MELTF: variants seen among roughly 807,000 people sequenced by gnomAD.
MELTF encodes melanotransferrin, also known as antigen p97 (melanoma associated) identified by monoclonal antibodies 133.2 and 96.5.
A neutral mutation model predicts 83.7 loss-of-function variants in MELTF; 67 were observed. The ratio of observed to expected loss-of-function variants is 0.80; its 90% confidence interval spans 0.66 to 0.98. The LOEUF (loss-of-function observed/expected upper bound fraction) is 0.98, where lower values mean the gene tolerates loss of function less well. Ranked by LOEUF, MELTF falls within the 50% of genes least tolerant of loss-of-function variation. The pLI, the probability that MELTF is intolerant of heterozygous loss-of-function variation, is 0.00. For synonymous variants in MELTF, 462 were observed against 447.6 expected (o/e 1.03, Z -0.41); for missense variants, 1,002 against 1,035.6 (o/e 0.97, Z 0.44).
At chr3:197,028,278 G>T (rs747367559) in intron 1 of MELTF, 1 of 210,710 alleles carries the variant, frequency 4.7e-6, no homozygotes, top group African/African-American at 2.2e-5. Context: ...CAGGCCTCCC[G>T]AAGAGGGTGC....
At chr3:197,009,583 T>C (rs762371478) in intron 11 of MELTF, 35 bp downstream of exon 11, 2 of 1,582,730 alleles carry the variant, frequency 1.3e-6, no homozygotes, top group Non-Finnish European at 1.7e-6. Context: ...CAGAGAAGGC[T>C]TCCCCAGTCT....
chr3:197,004,862 C>A (rs945296913), intron 14 of MELTF: 7 of 152,380 alleles, frequency 4.6e-5, no homozygotes, highest in African/African-American at 1.7e-4. Flanking sequence ...AGCTGTCAGC[C>A]TTCTCCCCAG....
chr3:197,017,605 TGG>T (rs1719434433), intron 6 of MELTF, among the ~76,000 whole-genome samples: 4 of 152,110 alleles, frequency 2.6e-5, no homozygotes, highest in Admixed American at 2.6e-4. Flanking sequence ...TGGCCGGGCG[TGG>T]TGGCTCACGC....
chr3:197,009,095 C>G, intron 11 of MELTF, 130 bp from the exon 12 acceptor site: 1 of 1,032,524 alleles, frequency 9.7e-7, no homozygotes, highest in African/African-American at 1.6e-5. Context: ...GTCTGCTCCG[C>G]TCCCCTCAGC....
At chr3:197,020,665 GT>G (rs1033880597) in intron 6 of MELTF, among the ~76,000 whole-genome samples, 285 of 148,536 alleles carry the variant, frequency 1.9e-3, no homozygotes, top group African/African-American at 6.0e-3. Flanking sequence ...GTCTTTGTGG[GT>G]TTTTTTTTTG....
Position 197,017,678 on chromosome 3 carries a change from C to G in MELTF, c.713-388G>C, listed in dbSNP as rs749179869. ...GGATCACGAGGTCAGGAGATCAAGA[C>G]CATCCTGGCTAACACGGTGAAACCC... On this transcript the variant is annotated intron_variant, in intron 6 of 15. Coordinates refer to ENST00000296350, the MANE Select transcript of MELTF (RefSeq NM_005929.6). 7.2e-4 allele frequency among the ~76,000 whole-genome samples: 109 copies of G among 152,090 alleles called. No individual in the cohort carries two copies. In the Middle Eastern group the frequency reaches 0.01, roughly 14 times the overall value.
Position 197,003,774 on chromosome 3 carries a change from ACCT to A in MELTF, c.2137+124_2137+126del. On this transcript the variant is annotated intron_variant, in intron 15 of 15. Coordinates refer to ENST00000296350, the MANE Select transcript of MELTF (RefSeq NM_005929.6). The surrounding 1 kb of genome is among the most constrained non-coding windows in gnomAD (Gnocchi z 6.2). ...GGCCAAAATCCTCCCGGGACACCCC[ACCT>A]GGACTGCTGCGAACGGGCCTCCACC... The A allele has an allele frequency of 1.0e-6, 1 of 952,698 alleles. No homozygotes were observed. The highest frequency in any genetic ancestry group is 1.6e-5 in the South Asian group (1 of 62,856). 59.0% of individuals were successfully genotyped at this position (952,698 alleles called of 1,614,324 possible). A position where few individuals can be genotyped will look rare whatever the true frequency, so the allele number is the denominator to read the frequency against.
chr3:197,015,979 C>A (rs940820234), intron 8 of MELTF, among the ~76,000 whole-genome samples: 2 of 152,124 alleles, frequency 1.3e-5, no homozygotes, highest in African/African-American at 4.8e-5. Context: ...TCCCCCGCTG[C>A]GGCCAGGTGG....
Position 197,015,389 on chromosome 3 carries a change from G to C in MELTF, c.1209C>G (p.Pro403=), listed in dbSNP as rs1027689751. ...CCTGGATCCGCTCCATGCAGTGTTG[G>C]GGGGACTTGGCTGACACGCACTGGA... is the stretch of plus-strand genomic sequence containing the variant. ...PEIQCVSAKS[P]QHCMERIQAE... The change falls in exon 9 of 16, where the codon CCC becomes CCG. Residue 403 remains proline (P), a synonymous_variant. Coordinates refer to ENST00000296350, the MANE Select transcript of MELTF (RefSeq NM_005929.6). The C allele has an allele frequency of 2.0e-5, 32 of 1,574,448 alleles. No homozygotes were observed. The highest frequency in any genetic ancestry group is 1.7e-4 in the Middle Eastern group (1 of 6,036).
Position 197,023,725 on chromosome 3 carries a change from T to G in MELTF, c.487+578A>C, listed in dbSNP as rs531986724. On this transcript the variant is annotated intron_variant, in intron 4 of 15. Transcript: ENST00000296350. ...TTTCCAGAGTAAGCCCTCTTCCTGG[T>G]TTTTTTTTTGTGACCTCCCAGAGGA... 1.1e-3 allele frequency: 414 copies of G among 367,122 alleles called. 2 individuals carry two copies. Among genetic ancestry groups the G allele is most frequent in the African/African-American group, 8.6e-3 (396 of 46,230 alleles). The allele number at this position is 367,122 out of a possible 1,614,324, so 22.7% of individuals were successfully genotyped here. A position where few individuals can be genotyped will look rare whatever the true frequency, so the allele number is the denominator to read the frequency against.
chr3:197,017,523 G>C (rs1301915839), intron 6 of MELTF, among the ~76,000 whole-genome samples: 1 of 152,204 alleles, frequency 6.6e-6, no homozygotes, highest in Admixed American at 6.5e-5. Flanking sequence ...AAGTGAATTG[G>C]AGGTATCTGA....
Position 197,029,816 on chromosome 3 carries a change from G to A in MELTF, c.-114C>T. ...TCGCGCTGGCCCGAGCTCCTTAAGT[G>A]CGGCCGCGAGTTCCCGGGCGGAATC... On this transcript the variant is annotated 5_prime_UTR_variant, in exon 1 of 16. Transcript: ENST00000296350. The surrounding 1 kb of genome is among the most constrained non-coding windows in gnomAD (Gnocchi z 6.5). 1 of 714,512 alleles carries A rather than the reference G, an allele frequency of 1.4e-6. No homozygotes were observed. The highest frequency in any genetic ancestry group is 1.9e-6 in the Non-Finnish European group (1 of 517,424). 44.3% of individuals were successfully genotyped at this position (714,512 alleles called of 1,614,324 possible). A position where few individuals can be genotyped will look rare whatever the true frequency, so the allele number is the denominator to read the frequency against.
At chr3:197,012,211 G>A (rs1329707638) in intron 9 of MELTF, among the ~76,000 whole-genome samples, 1 of 152,204 alleles carries the variant, frequency 6.6e-6, no homozygotes, top group Non-Finnish European at 1.5e-5. Flanking sequence ...CCAGAAGTGT[G>A]AAGACAGGGC....
In MELTF at chr3:197,024,527, C is replaced by T; in HGVS notation, c.305-42G>A. On this transcript the variant is annotated intron_variant, in intron 3 of 15. Coordinates refer to ENST00000296350, the MANE Select transcript of MELTF (RefSeq NM_005929.6). This position sits in a 1 kb window ranked among gnomAD's most constrained non-coding sequence, Gnocchi z 5.3. ...GTGGGTGAGGGCAGCAGGGAGAGGC[C>T]TCGAGAGAGGCTGCACCAGCACCCT... 1 of 1,520,858 alleles carries T rather than the reference C, an allele frequency of 6.6e-7. No homozygotes were observed. The highest frequency in any genetic ancestry group is 8.9e-7 in the Non-Finnish European group (1 of 1,124,128). 94.2% of individuals were successfully genotyped at this position (1,520,858 alleles called of 1,614,324 possible).
intron 6 of MELTF, among the ~76,000 whole-genome samples, chr3:197,020,875 G>A (rs1007571000): frequency 1.2e-4 from 19 of 152,052 alleles, no homozygotes; most frequent in African/African-American, 4.4e-4. Context: ...CACCATGTTG[G>A]CCAGGATGGT....
chr3:197,027,999 C>T (rs572302563), intron 1 of MELTF, 89 bp from the exon 2 acceptor site: 17 of 1,421,160 alleles, frequency 1.2e-5, no homozygotes, highest in Non-Finnish European at 1.6e-5. Flanking sequence ...TCTGTGTGAG[C>T]CCATTCGCCT....
At position 197,008,694 on chromosome 3, in the gene MELTF, G is replaced by A. The variant is rs1425644768; in HGVS notation, c.1713C>T (p.Ala571=). The change falls in exon 13 of 16, where the codon GCC becomes GCT. Residue 571 remains alanine, a synonymous_variant. Transcript: ENST00000296350. This position sits in a 1 kb window ranked among gnomAD's most constrained non-coding sequence, Gnocchi z 5.4. ...RCLVENAGDV[A]FVRHTTVFDN... ...CAAAGACGGTTGTGTGCCTGACGAAGGCAACGTCACCCGCATTCTCCACCA... is the reference window on the plus strand; with the variant it reads ...CAAAGACGGTTGTGTGCCTGACGAAAGCAACGTCACCCGCATTCTCCACCA... The A allele has an allele frequency of 6.2e-7, 1 of 1,614,008 alleles. No individual in the cohort carries two copies. The highest frequency in any genetic ancestry group is 1.3e-5 in the African/African-American group (1 of 74,910).
chr3:197,004,139 C>G, intron 14 of MELTF, 40 bp from the exon 15 acceptor site: 4 of 1,604,570 alleles, frequency 2.5e-6, no homozygotes, highest in East Asian at 2.2e-5. Context: ...CCTCACTGGG[C>G]TCAGGCAGGG....
Position 197,006,902 on chromosome 3 carries a change from G to A in MELTF, c.1751-166C>T, listed in dbSNP as rs151320621. Among the ~76,000 whole-genome samples the A allele has an allele frequency of 4.6e-5, 7 of 152,316 alleles. No individual in the cohort carries two copies. The highest frequency in any genetic ancestry group is 1.3e-4 in the Admixed American group (2 of 15,304). ...CCACGTGCTCTGCTGTGTTACCGGGGTGAAAGAACCCAGCTGTGTTCATGC... is the reference window on the plus strand; with the variant it reads ...CCACGTGCTCTGCTGTGTTACCGGGATGAAAGAACCCAGCTGTGTTCATGC... On this transcript the variant is annotated intron_variant, in intron 13 of 15. Coordinates refer to ENST00000296350, the MANE Select transcript of MELTF (RefSeq NM_005929.6). This position sits in a 1 kb window ranked among gnomAD's most constrained non-coding sequence, Gnocchi z 5.4.
Sources: gnomAD v4.1 joint callset for allele counts (sites outside exome capture counted in the v4.1 genomes callset) on GRCh38, gnomAD v4.1.1 for gene constraint, Gnocchi (gnomAD v3.1) non-coding constraint, MANE v1.5 for transcripts, NCBI Gene and HGNC (gene_info 2026-07-23, HGNC 2026-07-21) for gene names.